Variants in GON4L observed in about 807,000 individuals in gnomAD.
GON4L encodes GON-4-like protein.
GON4L carries 87 observed loss-of-function variants against 211.8 expected under a neutral mutation model. The ratio of observed to expected loss-of-function variants is 0.41; its 90% confidence interval spans 0.35 to 0.49. The LOEUF (loss-of-function observed/expected upper bound fraction) is 0.49. Ranked by LOEUF, GON4L falls within the 20% of genes least tolerant of loss-of-function variation. The pLI is 0.15. For synonymous variants in GON4L, 875 were observed against 962.6 expected, an observed-to-expected ratio of 0.91 and a Z score of 1.68; for missense variants, 2,155 against 2,659.5, an observed-to-expected ratio of 0.81 and a Z score of 4.17.
intron 8 of GON4L, among the ~76,000 whole-genome samples, chr1:155,815,127 A>C (rs1459486791): frequency 6.6e-6 from 1 of 152,160 alleles, no homozygotes; most frequent in Non-Finnish European, 1.5e-5. Flanking sequence ...AAAGGTGGGG[A>C]CAGGGATCAG....
At chr1:155,799,344 G>A (rs1666408836) in intron 11 of GON4L, among the ~76,000 whole-genome samples, 1 of 152,200 alleles carries the variant, frequency 6.6e-6, no homozygotes, top group African/African-American at 2.4e-5. Context: ...GGAGGCAGAA[G>A]AAGTGCTTGA....
chr1:155,803,150 A>C (rs1217692373), intron 11 of GON4L, among the ~76,000 whole-genome samples: 1 of 152,222 alleles, frequency 6.6e-6, no homozygotes. Flanking sequence ...ATAGTATCAT[A>C]AGGTACATTC....
At chr1:155,823,331 T>C (rs1668898286) in intron 3 of GON4L, among the ~76,000 whole-genome samples, 1 of 152,154 alleles carries the variant, frequency 6.6e-6, no homozygotes, top group South Asian at 2.1e-4. Flanking sequence ...GAAAAAAACA[T>C]GATCTTAATA....
intron 10 of GON4L, among the ~76,000 whole-genome samples, chr1:155,807,948 C>T (rs1253600820): frequency 6.6e-6 from 1 of 152,002 alleles, no homozygotes; most frequent in Non-Finnish European, 1.5e-5. Flanking sequence ...TGTTTACCCT[C>T]TTGCTTTACT....
chr1:155,771,202 T>C lies in GON4L; in HGVS notation c.2511A>G (p.Gly837=), dbSNP rs1279801068. Reference sequence around the variant, plus strand: ...ACTCAGTTCCTTCAAAATGCTTCAGTCCTAAAGCTAACAAACTGAGAAAGG... The same window carrying C: ...ACTCAGTTCCTTCAAAATGCTTCAGCCCTAAAGCTAACAAACTGAGAAAGG... The part of the protein sequence containing the change: ...TKAEDNLLAL[G]LKHFEGTEFP... Residue 837 remains glycine, a synonymous_variant, in exon 19 of 32, where the codon GGA becomes GGG. Transcript: ENST00000368331. 11 of 1,614,014 alleles carry C rather than the reference T, an allele frequency of 6.8e-6. No homozygotes were observed. The highest frequency in any genetic ancestry group is 9.3e-6 in the Non-Finnish European group (11 of 1,179,992).
chr1:155,747,940 G>A (rs774132390), downstream of GON4L: 151 of 1,562,416 alleles, frequency 9.7e-5, no homozygotes, highest in African/African-American at 1.8e-3. Context: ...CCCATTGGGA[G>A]AGTGGCTTAA....
At chr1:155,826,617 T>C (rs1442670263) in intron 3 of GON4L, among the ~76,000 whole-genome samples, 1 of 148,314 alleles carries the variant, frequency 6.7e-6, no homozygotes, top group African/African-American at 2.5e-5. Context: ...GACATCAGGA[T>C]AGTGGTTAAC....
chr1:155,751,081 C>G (rs1011659879), intron 31 of GON4L, among the ~76,000 whole-genome samples: 2 of 152,100 alleles, frequency 1.3e-5, no homozygotes, highest in African/African-American at 4.8e-5. Flanking sequence ...TGCTTTGTAA[C>G]AATGTTAACA....
At chr1:155,815,533 T>C (rs1220043761) in intron 8 of GON4L, among the ~76,000 whole-genome samples, 1 of 152,142 alleles carries the variant, frequency 6.6e-6, no homozygotes, top group Non-Finnish European at 1.5e-5. Flanking sequence ...CTAGTAATGA[T>C]ATATTTCTTG....
chr1:155,765,649 T>G lies in GON4L; in HGVS notation c.3824A>C (p.Asp1275Ala). The G allele has an allele frequency of 6.2e-7, 1 of 1,614,224 alleles. No individual in the cohort carries two copies. Among genetic ancestry groups the G allele is most frequent in the Non-Finnish European group, 8.5e-7 (1 of 1,180,026 alleles). The change falls in exon 21 of 32, where the codon GAT (aspartate) becomes GCT (alanine). Residue 1275 changes from aspartate (D) to alanine (A), a missense_variant. Asp to Ala is a moderately radical substitution (Grantham distance 126, BLOSUM62 -2). This residue lies in a region of GON4L where 615 missense variants were observed against 625.7 expected (regional missense o/e 0.98). Transcript: ENST00000368331. Reference protein sequence around the residue: ...VEHSPGPPLADAECQEGLSEN... With the variant: ...VEHSPGPPLAAAECQEGLSEN... ...TGACAATCCTTCTTGGCACTCTGCA[T>G]CTGCTAGTGGAGGCCCTGGGCTATG... is the stretch of plus-strand genomic sequence containing the variant.
chr1:155,794,279 C>T (rs1166906963), intron 12 of GON4L, among the ~76,000 whole-genome samples: 1 of 152,082 alleles, frequency 6.6e-6, no homozygotes, highest in Non-Finnish European at 1.5e-5. Flanking sequence ...GCCATGTTGG[C>T]CAGGCTGGTC....
chr1:155,788,343 A>G (rs1665167331), intron 12 of GON4L, among the ~76,000 whole-genome samples: 1 of 152,188 alleles, frequency 6.6e-6, no homozygotes, highest in Admixed American at 6.5e-5. Flanking sequence ...AGCAACCAGA[A>G]CTCTGATAAG....
At chr1:155,828,087 G>A (rs1010174726) in intron 2 of GON4L, among the ~76,000 whole-genome samples, 3 of 151,810 alleles carry the variant, frequency 2.0e-5, no homozygotes, top group African/African-American at 7.3e-5. Flanking sequence ...GGACCCTGGA[G>A]TTCAAGGCTG....
chr1:155,794,993 A>C, intron 12 of GON4L, 57 bp downstream of exon 12: 1 of 993,812 alleles, frequency 1.0e-6, no homozygotes, highest in South Asian at 1.3e-5. Context: ...TCTACAAAGT[A>C]AACAAAGACA....
At chr1:155,762,133 T>C (rs1432501216) in intron 23 of GON4L, 57 bp downstream of exon 23, 10 of 1,357,672 alleles carry the variant, frequency 7.4e-6, no homozygotes, top group African/African-American at 2.9e-5. Context: ...ACATCTCCCT[T>C]GAAGAAGCAG....
chr1:155,794,318 T>A (rs181624597), intron 12 of GON4L, among the ~76,000 whole-genome samples: 1 of 152,130 alleles, frequency 6.6e-6, no homozygotes, highest in Non-Finnish European at 1.5e-5. Context: ...GTGATCTGCC[T>A]GCCTCCACCT....
Position 155,777,920 on chromosome 1 carries a change from T to A in GON4L, c.1893-100A>T, listed in dbSNP as rs1248320690. On this transcript the variant is annotated intron_variant, in intron 14 of 31. Coordinates refer to ENST00000368331, the MANE Select transcript of GON4L (RefSeq NM_001282860.2). ...GAGCAAAGAGCCTGAACAATTTTCA[T>A]TCCCTACTAATCCCCCATCTCACTT... 11 of 763,488 alleles carry A rather than the reference T, an allele frequency of 1.4e-5. No homozygotes were observed. The Admixed American group carries it at 2.1e-4, about 14-fold the overall frequency. The allele number at this position is 763,488 out of a possible 1,614,324, so 47.3% of individuals were successfully genotyped here.
intron 1 of GON4L, among the ~76,000 whole-genome samples, chr1:155,854,171 A>G (rs2102516753): frequency 6.6e-6 from 1 of 152,218 alleles, no homozygotes; most frequent in Admixed American, 6.5e-5. Context: ...TTTGTTTTTG[A>G]GACAGAGTCT....
intron 2 of GON4L, among the ~76,000 whole-genome samples, chr1:155,834,180 A>G (rs1201249774): frequency 6.6e-6 from 1 of 152,030 alleles, no homozygotes; most frequent in African/African-American, 2.4e-5. Context: ...AAACTCCTGA[A>G]TCTACTCTCC....
Sources: allele counts gnomAD v4.1 joint callset (sites outside exome capture counted in the v4.1 genomes callset), GRCh38; gene constraint gnomAD v4.1.1; regional missense constraint gnomAD v4.1.1; transcripts MANE v1.5; gene names NCBI Gene and HGNC (gene_info 2026-07-23, HGNC 2026-07-21).